The following ZDHHC15 variants were observed in gnomAD, a reference collection of about 807,000 sequenced individuals.
ZDHHC15 encodes the protein zDHHC palmitoyltransferase 15, also known as palmitoyltransferase ZDHHC15.
ZDHHC15 carries 19 observed loss-of-function variants against 31.7 expected under a neutral mutation model. That is an observed-to-expected ratio of 0.60 (90% confidence interval 0.42 to 0.88). ZDHHC15 has a LOEUF of 0.88. ZDHHC15 is among the 40% of genes least tolerant of loss of function. The probability of loss-of-function intolerance (pLI) is 0.00; values close to 1 mark genes in which losing one functional copy is unlikely to be tolerated. For synonymous variants in ZDHHC15, 103 were observed against 90.0 expected, an observed-to-expected ratio of 1.14 and a Z score of -0.82; for missense variants, 209 against 251.2, an observed-to-expected ratio of 0.83 and a Z score of 1.14.
intron 4 of ZDHHC15, among the ~76,000 whole-genome samples, chrX:75,440,252 G>C (rs906983131): frequency 7.2e-5 from 7 of 97,403 alleles, no homozygotes; most frequent in African/African-American, 2.4e-4. Flanking sequence ...TCTTGGAGCA[G>C]GGTTGTTCTT....
At chrX:75,503,327 A>G (rs1380467120) in intron 2 of ZDHHC15, among the ~76,000 whole-genome samples, 1 of 110,913 alleles carries the variant, frequency 9.0e-6, no homozygotes, top group Non-Finnish European at 1.9e-5. Flanking sequence ...ATACAAATGT[A>G]TGGATTTTGA....
intron 4 of ZDHHC15, among the ~76,000 whole-genome samples, chrX:75,439,633 T>G (rs1037807475): frequency 8.9e-6 from 1 of 112,223 alleles, no homozygotes; most frequent in Non-Finnish European, 1.9e-5. Context: ...CTTGAACAGC[T>G]TAATAATTGA....
chrX:75,423,694 T>C (rs2147850858), intron 8 of ZDHHC15, among the ~76,000 whole-genome samples: 1 of 106,794 alleles, frequency 9.4e-6, no homozygotes, highest in South Asian at 4.4e-4. Flanking sequence ...TTTTGTTATG[T>C]TGCTCAGGCT....
At chrX:75,519,129 T>A (rs1482681779) in intron 1 of ZDHHC15, among the ~76,000 whole-genome samples, 1 of 109,518 alleles carries the variant, frequency 9.1e-6, no homozygotes, top group Non-Finnish European at 1.9e-5. Flanking sequence ...TACATAGAGG[T>A]GATGGCTGCA....
chrX:75,392,431 CTG>C (rs1188331422), intron 10 of ZDHHC15, among the ~76,000 whole-genome samples: 1 of 111,470 alleles, frequency 9.0e-6, no homozygotes. Flanking sequence ...TTTGGCAACA[CTG>C]TCACATAAAT....
intron 3 of ZDHHC15, among the ~76,000 whole-genome samples, chrX:75,464,399 C>A (rs771143629): frequency 1.8e-5 from 2 of 110,037 alleles, no homozygotes; most frequent in Admixed American, 1.9e-4. Flanking sequence ...CAAACCTGCA[C>A]GTTGTGCACA....
intron 10 of ZDHHC15, among the ~76,000 whole-genome samples, chrX:75,405,620 A>G (rs1421769975): frequency 2.7e-5 from 3 of 112,005 alleles, no homozygotes; most frequent in Non-Finnish European, 5.6e-5. Flanking sequence ...TGATATAACA[A>G]TTATAAATAT....
intron 1 of ZDHHC15, among the ~76,000 whole-genome samples, chrX:75,515,897 C>T (rs370550689): frequency 9.0e-6 from 1 of 111,506 alleles, no homozygotes; most frequent in South Asian, 3.8e-4. Flanking sequence ...CTCAGGATAC[C>T]AAATCAATGT....
chrX:75,412,592 C>A lies in ZDHHC15; in HGVS notation c.967+4495G>T, dbSNP rs757716649. Among the ~76,000 whole-genome samples, 4 of 110,365 alleles carry A rather than the reference C, an allele frequency of 3.6e-5. No homozygotes were observed. In the Admixed American group the frequency reaches 3.9e-4, roughly 11 times the overall value. On this transcript the variant is annotated intron_variant, in intron 10 of 11. Coordinates refer to ENST00000373367, the MANE Select transcript of ZDHHC15 (RefSeq NM_144969.3). ...GATTACAGGCACGTGCCACCACGCC[C>A]GGCTAATTTTTTGTATTTTTAGTAG...
intron 10 of ZDHHC15, among the ~76,000 whole-genome samples, chrX:75,387,308 C>T (rs1364342725): frequency 8.9e-6 from 1 of 111,774 alleles, no homozygotes; most frequent in East Asian, 2.8e-4. Context: ...CCATAACCTT[C>T]CCAAATGGAC....
chrX:75,457,552 A>C (rs2084243150), intron 3 of ZDHHC15, among the ~76,000 whole-genome samples: 1 of 109,596 alleles, frequency 9.1e-6, no homozygotes, highest in Non-Finnish European at 1.9e-5. Context: ...TGCCTGTCTT[A>C]TGACCCCAGC....
chrX:75,454,380 G>A (rs960480557), intron 3 of ZDHHC15, among the ~76,000 whole-genome samples: 2 of 111,965 alleles, frequency 1.8e-5, no homozygotes, highest in Non-Finnish European at 1.9e-5. Context: ...TGTGAATGGT[G>A]CTGCAATAAA....
intron 7 of ZDHHC15, among the ~76,000 whole-genome samples, chrX:75,428,528 C>T (rs758845424): frequency 1.8e-5 from 2 of 110,913 alleles, no homozygotes; most frequent in African/African-American, 3.3e-5. Context: ...GATCCCAGTT[C>T]TCCTAATTGC....
chrX:75,422,448 C>T (rs1486614767), intron 8 of ZDHHC15, among the ~76,000 whole-genome samples: 1 of 111,834 alleles, frequency 8.9e-6, no homozygotes, highest in Non-Finnish European at 1.9e-5. Context: ...TGAAACATTT[C>T]AAAAATGAAA....
chrX:75,515,202 GGAA>G (rs2085337452), intron 1 of ZDHHC15, among the ~76,000 whole-genome samples: 1 of 111,130 alleles, frequency 9.0e-6, no homozygotes, highest in African/African-American at 3.3e-5. Flanking sequence ...AGTAAAAGAG[GGAA>G]TCCTCCCTAA....
At chrX:75,519,254 A>T (rs2085411827) in intron 1 of ZDHHC15, among the ~76,000 whole-genome samples, 1 of 111,765 alleles carries the variant, frequency 8.9e-6, no homozygotes, top group South Asian at 3.8e-4. Flanking sequence ...CTCTCTAAAA[A>T]GCTAAGCTTC....
At chrX:75,401,632 A>C (rs1294912195) in intron 10 of ZDHHC15, among the ~76,000 whole-genome samples, 1 of 112,354 alleles carries the variant, frequency 8.9e-6, no homozygotes, top group Non-Finnish European at 1.9e-5. Flanking sequence ...CAAATATAAA[A>C]AAAGACAAGG....
chrX:75,369,570 G>C lies in ZDHHC15; in HGVS notation c.*3408C>G, dbSNP rs1207884024. 1 of 111,943 alleles carries C rather than the reference G, an allele frequency of 8.9e-6. No homozygotes were observed. Among genetic ancestry groups the C allele is most frequent in the Admixed American group, 9.5e-5 (1 of 10,542 alleles). 9.2% of individuals were successfully genotyped at this position (111,943 alleles called of 1,213,427 possible). ...TTGTGCAATTTGGTATAAACATGGA[G>C]TGCATTCTTTACCTTGGCAATGTCT... On this transcript the variant is annotated 3_prime_UTR_variant, in exon 12 of 12. Transcript: ENST00000373367.
intron 3 of ZDHHC15, among the ~76,000 whole-genome samples, chrX:75,471,983 C>T (rs1266753483): frequency 9.0e-6 from 1 of 111,731 alleles, no homozygotes; most frequent in Non-Finnish European, 1.9e-5. Context: ...ATAAAGTCAC[C>T]ACGTGACCTG....
Sources: gnomAD v4.1 joint callset for allele counts (sites outside exome capture counted in the v4.1 genomes callset) on GRCh38, gnomAD v4.1.1 for gene constraint, MANE v1.5 for transcripts, NCBI Gene and HGNC (gene_info 2026-07-23, HGNC 2026-07-21) for gene names.